The following ADARB1 variants were observed in gnomAD, a reference collection of about 807,000 sequenced individuals.
The protein encoded by ADARB1 is double-stranded RNA-specific editase 1.
ADARB1 carries 10 observed loss-of-function variants against 52.4 expected under a neutral mutation model. The ratio of observed to expected loss-of-function variants is 0.19; its 90% confidence interval spans 0.12 to 0.32. The LOEUF (loss-of-function observed/expected upper bound fraction) is 0.32. Ranked by LOEUF, ADARB1 falls within the 10% of genes least tolerant of loss-of-function variation. The pLI, the probability that ADARB1 is intolerant of heterozygous loss-of-function variation, is 1.00. For synonymous variants in ADARB1, 349 were observed against 371.1 expected (o/e 0.94, Z 0.68); for missense variants, 643 against 922.3 (o/e 0.70, Z 3.92).
chr21:45,117,470 A>G (rs990744391), intron 1 of ADARB1, among the ~76,000 whole-genome samples: 1 of 152,088 alleles, frequency 6.6e-6, no homozygotes, highest in Non-Finnish European at 1.5e-5. Context: ...TTTTCTGTGC[A>G]CATCTCTCTA....
In ADARB1 at chr21:45,225,860, G is replaced by T. The variant is rs1392211543; in HGVS notation, c.*3663G>T. 2 of 322,684 alleles carry T rather than the reference G, an allele frequency of 6.2e-6. No individual in the cohort carries two copies. Among genetic ancestry groups the T allele is most frequent in the Non-Finnish European group, 1.1e-5 (2 of 177,802 alleles). The allele number at this position is 322,684 out of a possible 1,614,324, so 20.0% of individuals were successfully genotyped here. A position where few individuals can be genotyped will look rare whatever the true frequency, so the allele number is the denominator to read the frequency against. ...GTGTTCCGTGTGTGTCCAGTTTACA[G>T]CGTCTCTGCCCCCTAGCGTGTTTTG... On this transcript the variant is annotated 3_prime_UTR_variant, in exon 11 of 11. Coordinates refer to ENST00000348831, the MANE Select transcript of ADARB1 (RefSeq NM_001112.4).
intron 1 of ADARB1, among the ~76,000 whole-genome samples, chr21:45,082,461 T>A (rs569294633): frequency 6.6e-6 from 1 of 152,370 alleles, no homozygotes; most frequent in South Asian, 2.1e-4. Flanking sequence ...TGTAATGCAT[T>A]GTTTGTAAAA....
intron 2 of ADARB1, among the ~76,000 whole-genome samples, chr21:45,135,272 G>A (rs2089294140): frequency 6.6e-6 from 1 of 152,254 alleles, no homozygotes; most frequent in Admixed American, 6.5e-5. Flanking sequence ...CCACAGGGCA[G>A]AGAGAGCCCT....
intron 5 of ADARB1, 67 bp from the exon 6 acceptor site, chr21:45,182,518 C>A: frequency 6.6e-7 from 1 of 1,522,752 alleles, no homozygotes; most frequent in Non-Finnish European, 8.8e-7. Flanking sequence ...AGTCAGACTT[C>A]AGGAGCACAG....
chr21:45,151,068 G>A (rs1404961517), intron 2 of ADARB1, among the ~76,000 whole-genome samples: 1 of 152,204 alleles, frequency 6.6e-6, no homozygotes, highest in African/African-American at 2.4e-5. Flanking sequence ...ACAAATAAGG[G>A]AGTAGGGTGG....
chr21:45,148,621 T>C (rs1192394015), intron 2 of ADARB1, among the ~76,000 whole-genome samples: 1 of 152,212 alleles, frequency 6.6e-6, no homozygotes, highest in Non-Finnish European at 1.5e-5. Context: ...ATCAGGGCTC[T>C]GAGGGCACTG....
intron 1 of ADARB1, chr21:45,100,515 A>C (rs907215163): frequency 2.6e-5 from 4 of 152,252 alleles, no homozygotes; most frequent in Non-Finnish European, 5.9e-5. Context: ...CATTTAATGA[A>C]CCAAACTAAA....
chr21:45,129,713 G>A (rs888298012), intron 2 of ADARB1, among the ~76,000 whole-genome samples: 7 of 152,150 alleles, frequency 4.6e-5, no homozygotes, highest in African/African-American at 1.2e-4. Flanking sequence ...AGTGGCTGGT[G>A]CAGAGCCATA....
Position 45,224,180 on chromosome 21 carries a change from C to T in ADARB1, c.*1983C>T, listed in dbSNP as rs1011980805. On this transcript the variant is annotated 3_prime_UTR_variant, in exon 11 of 11. Transcript: ENST00000348831. ...CTAATGGGGATTGGGAGATGGACTT[C>T]GTTTTTAAAAATATGTGGATTTTGG... The T allele has an allele frequency of 4.1e-5, 40 of 985,232 alleles. No individual in the cohort carries two copies. Among genetic ancestry groups the T allele is most frequent in the South Asian group, 4.7e-5 (1 of 21,282 alleles). 61.0% of individuals were successfully genotyped at this position (985,232 alleles called of 1,614,324 possible).
In ADARB1 at chr21:45,176,303, G is replaced by T. The variant is rs764129367; in HGVS notation, c.602G>T (p.Ser201Ile). ...YVGSNGDDSF[S>I]SSGDLSLSAS... Reference sequence around the variant, plus strand: ...GGCTCCAATGGGGATGACTCCTTCAGTTCCAGCGGGGACCTCAGCTTGTCT... The same window carrying T: ...GGCTCCAATGGGGATGACTCCTTCATTTCCAGCGGGGACCTCAGCTTGTCT... Residue 201 changes from serine to isoleucine, a missense_variant, in exon 4 of 11, where the codon AGT becomes ATT. Physicochemically the swap from Ser to Ile is moderately radical, Grantham distance 142 (BLOSUM62 -2). This residue lies in a region of ADARB1 where 380 missense variants were observed against 446.5 expected (regional missense o/e 0.85). Transcript: ENST00000348831. This position sits in a 1 kb window ranked among gnomAD's most constrained non-coding sequence, Gnocchi z 5.8. 6.2e-7 allele frequency: 1 copy of T among 1,614,162 alleles called. No homozygotes were observed. Among genetic ancestry groups the T allele is most frequent in the South Asian group, 1.1e-5 (1 of 91,066 alleles).
At chr21:45,211,168 G>T (rs1261050665) in intron 9 of ADARB1, among the ~76,000 whole-genome samples, 1 of 152,224 alleles carries the variant, frequency 6.6e-6, no homozygotes, top group Non-Finnish European at 1.5e-5. Context: ...CAGCCATCTT[G>T]CTCTGTACGG....
chr21:45,189,753 C>G lies in ADARB1; in HGVS notation c.1565+4662C>G, dbSNP rs1361795353. On this transcript the variant is annotated intron_variant, in intron 8 of 10. Coordinates refer to ENST00000348831, the MANE Select transcript of ADARB1 (RefSeq NM_001112.4). ...GGGTTGTTTTTTTTTTTTTTTCTTT[C>G]AGCACTTAAAATATATCATTCCACT... 2.9e-5 allele frequency among the ~76,000 whole-genome samples: 4 copies of G among 138,028 alleles called. No individual in the cohort carries two copies. The South Asian group carries it at 9.9e-4, about 34-fold the overall frequency. The allele number at this position is 138,028 out of a possible 152,430, so 90.6% of individuals were successfully genotyped here.
intron 2 of ADARB1, among the ~76,000 whole-genome samples, chr21:45,155,837 T>TCCAC (rs1569084349): frequency 9.6e-6 from 1 of 103,686 alleles, no homozygotes; most frequent in Admixed American, 1.1e-4. Flanking sequence ...CATCCATCCA[T>TCCAC]CCACCCACCC....
At chr21:45,090,379 A>G (rs184604031) in intron 1 of ADARB1, among the ~76,000 whole-genome samples, 9 of 152,252 alleles carry the variant, frequency 5.9e-5, no homozygotes, top group Non-Finnish European at 5.9e-5. Flanking sequence ...TGTAGTTTAC[A>G]TGCTGTAGTA....
intron 2 of ADARB1, among the ~76,000 whole-genome samples, chr21:45,153,032 A>T (rs1341681953): frequency 6.6e-6 from 1 of 152,232 alleles, no homozygotes; most frequent in Non-Finnish European, 1.5e-5. Context: ...TCCCAGAGAC[A>T]GATGCTTATA....
At chr21:45,087,880 CTG>C (rs1294872945) in intron 1 of ADARB1, among the ~76,000 whole-genome samples, 1 of 152,148 alleles carries the variant, frequency 6.6e-6, no homozygotes, top group East Asian at 1.9e-4. Context: ...CTGAAGAGAA[CTG>C]TACAAAATAG....
At chr21:45,118,627 T>G (rs527533188) in intron 1 of ADARB1, 2 of 152,202 alleles carry the variant, frequency 1.3e-5, no homozygotes, top group Non-Finnish European at 2.9e-5. Flanking sequence ...CAGGTAAACA[T>G]CTTCTACTCT....
In ADARB1 at chr21:45,176,263, C is replaced by T; in HGVS notation, c.562C>T (p.Pro188Ser). The T allele has an allele frequency of 1.2e-6, 2 of 1,614,202 alleles. No homozygotes were observed. Among genetic ancestry groups the T allele is most frequent in the Non-Finnish European group, 1.7e-6 (2 of 1,180,028 alleles). Residue 188 changes from proline to serine, a missense_variant, in exon 4 of 11, where the codon CCT becomes TCT. Around this residue, in one of 2 missense-constraint regions of ADARB1, gnomAD observed 380 missense variants for 446.5 expected, o/e 0.85. Transcript: ENST00000348831. This position sits in a 1 kb window ranked among gnomAD's most constrained non-coding sequence, Gnocchi z 5.8. The part of the protein sequence containing the change: ...NGFETPDKAE[P>S]PFYVGSNGDD... ...TTTTGAAACTCCTGACAAGGCGGAG[C>T]CTCCCTTTTACGTGGGCTCCAATGG...
chr21:45,198,494 AAAT>A (rs201566188), intron 8 of ADARB1, among the ~76,000 whole-genome samples: 18,388 of 145,748 alleles, frequency 0.13, 1,318 homozygotes, highest in East Asian at 0.32. Context: ...CTATTAAATT[AAAT>A]CACACACACA....
Sources: gnomAD v4.1 joint callset for allele counts (sites outside exome capture counted in the v4.1 genomes callset) on GRCh38, gnomAD v4.1.1 for gene constraint, gnomAD v4.1.1 regional missense constraint, Gnocchi (gnomAD v3.1) non-coding constraint, MANE v1.5 for transcripts, NCBI Gene and HGNC (gene_info 2026-07-23, HGNC 2026-07-21) for gene names.